The following TAF3 variants were observed in gnomAD, a reference collection of about 807,000 sequenced individuals.
TAF3 encodes transcription initiation factor TFIID subunit 3.
TAF3 carries 7 observed loss-of-function variants against 80.6 expected under a neutral mutation model. The ratio of observed to expected loss-of-function variants is 0.09; its 90% CI spans 0.05 to 0.16. The LOEUF (loss-of-function observed/expected upper bound fraction) is 0.16. Ranked by LOEUF, TAF3 falls within the 10% of genes least tolerant of loss-of-function variation. The pLI, the probability that TAF3 is intolerant of heterozygous loss-of-function variation, is 1.00. For missense variants in TAF3, 921 were observed against 1,140.2 expected (o/e 0.81, Z 2.77); for synonymous variants, 444 against 446.1 (o/e 1.00, Z 0.06).
At chr10:7,972,059 C>T (rs1831627987) in intron 3 of TAF3, among the ~76,000 whole-genome samples, 1 of 152,182 alleles carries the variant, frequency 6.6e-6, no homozygotes, top group Admixed American at 6.5e-5. Flanking sequence ...CAGCATTACT[C>T]CAAAGTGCTG....
At position 7,818,586 on chromosome 10, in the gene TAF3, G is replaced by C; in HGVS notation, c.-124G>C. 2.7e-6 allele frequency: 3 copies of C among 1,125,198 alleles called. No individual in the cohort carries two copies. The highest frequency in any genetic ancestry group is 3.6e-6 in the Non-Finnish European group (3 of 836,620). 69.7% of individuals were successfully genotyped at this position (1,125,198 alleles called of 1,614,324 possible). A position where few individuals can be genotyped will look rare whatever the true frequency, so the allele number is the denominator to read the frequency against. On this transcript the variant is annotated 5_prime_UTR_variant, in exon 1 of 7. Transcript: ENST00000344293. ...GCTGGGGCTTTGAGGTGGTCGCCGG[G>C]GGTCCGGGGGACCCTTTCCCCGCCG...
chr10:7,942,913 G>A (rs1306854757), intron 2 of TAF3, among the ~76,000 whole-genome samples: 2 of 152,236 alleles, frequency 1.3e-5, no homozygotes, highest in Non-Finnish European at 1.5e-5. Flanking sequence ...GATTTCAGCT[G>A]TAGGCTGTCT....
chr10:7,994,488 T>G (rs1480982477), intron 4 of TAF3, among the ~76,000 whole-genome samples: 1 of 152,150 alleles, frequency 6.6e-6, no homozygotes, highest in Non-Finnish European at 1.5e-5. Context: ...CCAGTTCAGA[T>G]TTAATATTAC....
chr10:7,857,876 A>G (rs868386366), intron 2 of TAF3, among the ~76,000 whole-genome samples: 1 of 150,874 alleles, frequency 6.6e-6, no homozygotes, highest in African/African-American at 2.4e-5. Context: ...ATTTTCAGCT[A>G]TATCACACCC....
chr10:7,911,495 G>A lies in TAF3; in HGVS notation c.410-52425G>A, dbSNP rs561628598. ...TAATGCATTTTAAGAAATGGCTGGT[G>A]TACTTGGTATGATAGTACATACCTC... On this transcript the variant is annotated intron_variant, in intron 2 of 6. Coordinates refer to ENST00000344293, the MANE Select transcript of TAF3 (RefSeq NM_031923.4). Among the ~76,000 whole-genome samples, 3 of 152,350 alleles carry A rather than the reference G, an allele frequency of 2.0e-5. No individual in the cohort carries two copies. In the South Asian group the frequency reaches 6.2e-4, roughly 32 times the overall value.
intron 2 of TAF3, among the ~76,000 whole-genome samples, chr10:7,839,664 C>G (rs1251223921): frequency 6.6e-6 from 1 of 152,094 alleles, no homozygotes; most frequent in Non-Finnish European, 1.5e-5. Context: ...GTTTCTTTTC[C>G]TTTCAAATTG....
chr10:7,902,039 C>T (rs531730383), intron 2 of TAF3, among the ~76,000 whole-genome samples: 1 of 152,220 alleles, frequency 6.6e-6, no homozygotes, highest in South Asian at 2.1e-4. Context: ...TAACTCCGCA[C>T]CCCACGTTCG....
chr10:8,005,490 C>G (rs1477397420), intron 4 of TAF3, among the ~76,000 whole-genome samples: 2 of 152,224 alleles, frequency 1.3e-5, no homozygotes, highest in Non-Finnish European at 2.9e-5. Context: ...TGGGTATAGC[C>G]CATTGGGAAT....
intron 2 of TAF3, among the ~76,000 whole-genome samples, chr10:7,898,232 G>T (rs190838567): frequency 2.8e-4 from 43 of 152,150 alleles, no homozygotes; most frequent in African/African-American, 8.7e-4. Context: ...TTGACACAGG[G>T]ACTCAACAGT....
intron 5 of TAF3, among the ~76,000 whole-genome samples, chr10:8,013,223 C>T (rs954602295): frequency 3.3e-5 from 5 of 152,166 alleles, no homozygotes; most frequent in African/African-American, 7.2e-5. Context: ...CTTATCAGCT[C>T]CTTCAGGAGA....
chr10:7,850,059 C>T (rs1837012502), intron 2 of TAF3, among the ~76,000 whole-genome samples: 1 of 152,130 alleles, frequency 6.6e-6, no homozygotes, highest in African/African-American at 2.4e-5. Flanking sequence ...GAGAAGTTTA[C>T]AGGCTTTGCT....
intron 3 of TAF3, among the ~76,000 whole-genome samples, chr10:7,966,128 G>A (rs1339733514): frequency 6.6e-6 from 1 of 152,308 alleles, no homozygotes; most frequent in East Asian, 1.9e-4. Flanking sequence ...CAGCATCCAT[G>A]TTTCTAAAAG....
chr10:7,885,278 A>C (rs530631108), intron 2 of TAF3, among the ~76,000 whole-genome samples: 121 of 140,036 alleles, frequency 8.6e-4, no homozygotes, highest in South Asian at 4.7e-3. Flanking sequence ...ACACACCCCC[A>C]CACACACACA....
rs114282714 is a variant in TAF3, at chr10:7,917,655, G to A, written c.410-46265G>A. Among the ~76,000 whole-genome samples the A allele has an allele frequency of 5.0e-3, 757 of 152,300 alleles. 7 individuals carry two copies. The highest frequency in any genetic ancestry group is 0.017 in the African/African-American group (707 of 41,566). On this transcript the variant is annotated intron_variant, in intron 2 of 6. Transcript: ENST00000344293. ...GGAGAATAGGTCGGGTTCTGAGGCC[G>A]TCACCGGTTGGGGGAATGGGGGTTT...
At chr10:7,884,895 TATC>T (rs2131157733) in intron 2 of TAF3, among the ~76,000 whole-genome samples, 1 of 152,336 alleles carries the variant, frequency 6.6e-6, no homozygotes, top group South Asian at 2.1e-4. Flanking sequence ...TCTGATTTAA[TATC>T]ATACAGCTCA....
intron 1 of TAF3, among the ~76,000 whole-genome samples, chr10:7,820,572 AT>A (rs533851206): frequency 3.0e-4 from 46 of 152,316 alleles, no homozygotes; most frequent in African/African-American, 1.1e-3. Flanking sequence ...TTAGCTCTCT[AT>A]AGCCTCGAAC....
At chr10:7,885,392 T>C (rs1019494350) in intron 2 of TAF3, among the ~76,000 whole-genome samples, 10 of 152,134 alleles carry the variant, frequency 6.6e-5, no homozygotes, top group African/African-American at 2.4e-4. Context: ...TTTTAGGCTT[T>C]CCTCTCATGC....
At chr10:7,847,056 A>G (rs1409431799) in intron 2 of TAF3, among the ~76,000 whole-genome samples, 4 of 152,254 alleles carry the variant, frequency 2.6e-5, no homozygotes, top group African/African-American at 7.2e-5. Context: ...TGGACAAGAA[A>G]AAAATTGACA....
Position 7,954,384 on chromosome 10 carries a change from C to T in TAF3, c.410-9536C>T, listed in dbSNP as rs1228857907. Among the ~76,000 whole-genome samples, 2 of 121,744 alleles carry T rather than the reference C, an allele frequency of 1.6e-5. 1 individual carries two copies. The highest frequency in any genetic ancestry group is 3.6e-5 in the Non-Finnish European group (2 of 55,294). 79.9% of individuals were successfully genotyped at this position (121,744 alleles called of 152,430 possible). A position where few individuals can be genotyped will look rare whatever the true frequency, so the allele number is the denominator to read the frequency against. On this transcript the variant is annotated intron_variant, in intron 2 of 6. Transcript: ENST00000344293. ...TCCATAGTGAGATTCAGAGTGCACT[C>T]CATAGGCAAATGAGTGAATTAGTTC... is the stretch of plus-strand genomic sequence containing the variant.
Sources: allele counts gnomAD v4.1 joint callset (sites outside exome capture counted in the v4.1 genomes callset), GRCh38; gene constraint gnomAD v4.1.1; transcripts MANE v1.5; gene names NCBI Gene and HGNC (gene_info 2026-07-23, HGNC 2026-07-21).